The following NSD2 variants were observed in gnomAD, a reference collection of about 807,000 sequenced individuals.
NSD2 encodes the protein histone-lysine N-methyltransferase NSD2.
NSD2 carries 12 observed loss-of-function variants against 139.0 expected under a neutral mutation model. The observed-to-expected ratio is 0.09, with a 90% CI of 0.06 to 0.14. The LOEUF (loss-of-function observed/expected upper bound fraction) is 0.14. NSD2 is among the 10% of genes least tolerant of loss of function. The probability of loss-of-function intolerance (pLI) is 1.00; values close to 1 mark genes in which losing one functional copy is unlikely to be tolerated. For missense variants in NSD2, 1,155 were observed against 1,745.0 expected (o/e 0.66, Z 6.02); for synonymous variants, 669 against 648.7 (o/e 1.03, Z -0.48).
At chr4:1,940,067 A>G in intron 9 of NSD2, 1 of 1,284,934 alleles carries the variant, frequency 7.8e-7, no homozygotes, top group Non-Finnish European at 9.9e-7. Flanking sequence ...TGTCTGAAGA[A>G]TGTTGTGTTC....
intron 5 of NSD2, among the ~76,000 whole-genome samples, chr4:1,922,619 T>A (rs1407283257): frequency 6.6e-6 from 1 of 152,200 alleles, no homozygotes; most frequent in Non-Finnish European, 1.5e-5. Context: ...GATAGGAAGT[T>A]ATCTTATTTA....
chr4:1,951,151 C>T lies in NSD2; in HGVS notation c.1961C>T (p.Ser654Leu). The change falls in exon 10 of 22, where the codon TCA (serine) becomes TTA (leucine). Residue 654 changes from serine (S) to leucine (L), a missense_variant. Physicochemically the swap from Ser to Leu is moderately radical, Grantham distance 145. Coordinates refer to ENST00000508803, the MANE Select transcript of NSD2 (RefSeq NM_001042424.3). ...GAAACACAAACTGAAGTATCTGTCTCATCCAAAAAGTCTGAGCGAGGAGTG... is the reference window on the plus strand; with the variant it reads ...GAAACACAAACTGAAGTATCTGTCTTATCCAAAAAGTCTGAGCGAGGAGTG... ...ADETQTEVSV[S>L]SKKSERGVTA... is the part of the protein sequence containing the mutation. The T allele has an allele frequency of 6.2e-7, 1 of 1,614,220 alleles. No individual in the cohort carries two copies. Among genetic ancestry groups the T allele is most frequent in the Non-Finnish European group, 8.5e-7 (1 of 1,180,040 alleles).
intron 9 of NSD2, chr4:1,946,163 T>A (rs1723603798): frequency 3.9e-6 from 4 of 1,024,350 alleles, no homozygotes; most frequent in Non-Finnish European, 4.7e-6. Flanking sequence ...CCAGAGAAAC[T>A]GAGGTAACTG....
chr4:1,900,809 A>G lies in NSD2; in HGVS notation c.155A>G (p.Gln52Arg). Reference protein sequence around the residue: ...RECSVFLSKAQLSSSLQEGVM... With the variant: ...RECSVFLSKARLSSSLQEGVM... ...TGTTCTGTGTTCCTCAGCAAAGCCC[A>G]GCTCTCCAGTAGCCTGCAGGAGGGG... is the stretch of plus-strand genomic sequence containing the variant. The change falls in exon 2 of 22, where the codon CAG becomes CGG. Residue 52 changes from glutamine (Q) to arginine (R), a missense_variant. By Grantham distance (43) the Gln-to-Arg change is conservative (BLOSUM62 1). Transcript: ENST00000508803. The G allele has an allele frequency of 1.9e-6, 3 of 1,614,192 alleles. 1 individual carries two copies. Among genetic ancestry groups the G allele is most frequent in the Non-Finnish European group, 2.5e-6 (3 of 1,180,038 alleles).
intron 7 of NSD2, 39 bp from the exon 8 acceptor site, chr4:1,938,412 C>CTTTA: frequency 1.6e-6 from 1 of 635,580 alleles, no homozygotes; most frequent in Non-Finnish European, 2.0e-6. Context: ...TTTTTTTTTT[C>CTTTA]TTTCTTTTTT....
Position 1,939,548 on chromosome 4 carries a change from A to G in NSD2, c.1757-106A>G, listed in dbSNP as rs181559116. ...TTAAGCCAGAAGGACAAAGGAATTCAGAAGATTCATCTTTAGAACTTCACT... is the reference window on the plus strand; with the variant it reads ...TTAAGCCAGAAGGACAAAGGAATTCGGAAGATTCATCTTTAGAACTTCACT... On this transcript the variant is annotated intron_variant, in intron 8 of 21. Coordinates refer to ENST00000508803, the MANE Select transcript of NSD2 (RefSeq NM_001042424.3). The G allele has an allele frequency of 4.0e-5, 46 of 1,158,020 alleles. 1 individual carries two copies. The Admixed American group carries it at 8.6e-4, about 22-fold the overall frequency. The allele number at this position is 1,158,020 out of a possible 1,614,324, so 71.7% of individuals were successfully genotyped here. A position where few individuals can be genotyped will look rare whatever the true frequency, so the allele number is the denominator to read the frequency against.
intron 1 of NSD2, among the ~76,000 whole-genome samples, chr4:1,893,261 A>C (rs2108710813): frequency 6.6e-6 from 1 of 152,274 alleles, no homozygotes; most frequent in South Asian, 2.1e-4. Context: ...TGAGGTCAGG[A>C]GTTCGAGACC....
At chr4:1,944,369 C>G in intron 9 of NSD2, 1 of 1,065,968 alleles carries the variant, frequency 9.4e-7, no homozygotes, top group Non-Finnish European at 1.1e-6. Context: ...ACGTGGAATT[C>G]CTTCATTTCA....
At chr4:1,887,604 G>A (rs1333408458) in intron 1 of NSD2, 1 of 152,554 alleles carries the variant, frequency 6.6e-6, no homozygotes, top group African/African-American at 2.4e-5. Flanking sequence ...GGCTACCAAA[G>A]TGCTGGGATT....
chr4:1,938,416 C>CTTTTTTTTTTTT (rs746279426), intron 7 of NSD2, 35 bp from the exon 8 acceptor site: 12 of 325,848 alleles, frequency 3.7e-5, no homozygotes, highest in South Asian at 1.1e-4. Context: ...TTTTTTCTTT[C>CTTTTTTTTTTTT]TTTTTTTTTT....
At chr4:1,909,614 A>G (rs56205946) in intron 3 of NSD2, among the ~76,000 whole-genome samples, 2 of 150,272 alleles carry the variant, frequency 1.3e-5, no homozygotes, top group Non-Finnish European at 3.0e-5. Context: ...GTACTTTTAT[A>G]TTTTTCTATC....
At position 1,913,853 on chromosome 4, in the gene NSD2, C is replaced by T. The variant is rs569077048; in HGVS notation, c.761-3018C>T. Among the ~76,000 whole-genome samples the T allele has an allele frequency of 3.3e-5, 5 of 152,270 alleles. No homozygotes were observed. In the East Asian group the frequency reaches 9.6e-4, roughly 29 times the overall value. Reference sequence around the variant, plus strand: ...TGTCTTGTGTCTTTATTTCTACCATCTCTCGTCTCCACACACGAGGAGAAA... The same window carrying T: ...TGTCTTGTGTCTTTATTTCTACCATTTCTCGTCTCCACACACGAGGAGAAA... On this transcript the variant is annotated intron_variant, in intron 3 of 21. Transcript: ENST00000508803.
intron 21 of NSD2, among the ~76,000 whole-genome samples, chr4:1,977,315 GAC>G (rs1306327461): frequency 2.6e-5 from 4 of 152,266 alleles, no homozygotes; most frequent in African/African-American, 9.6e-5. Context: ...TTGGTGATGA[GAC>G]AGTCTGAGAA....
chr4:1,944,924 C>A, intron 9 of NSD2: 1 of 1,063,438 alleles, frequency 9.4e-7, no homozygotes, highest in Non-Finnish European at 1.1e-6. Context: ...AGAAACAGCT[C>A]CAGTGTTTTT....
intron 1 of NSD2, among the ~76,000 whole-genome samples, chr4:1,896,684 T>TCCTTCCTCTCTC (rs1380435570): frequency 2.7e-5 from 4 of 146,206 alleles, no homozygotes; most frequent in African/African-American, 1.0e-4. Context: ...CTCCCTCCCT[T>TCCTTCCTCTCTC]CCTTCCCGAA....
rs1724876875 is a variant in NSD2, at chr4:1,956,984, T to TA, written c.2881+802dup. On this transcript the variant is annotated intron_variant, in intron 15 of 21. Coordinates refer to ENST00000508803, the MANE Select transcript of NSD2 (RefSeq NM_001042424.3). The surrounding 1 kb of genome is among the most constrained non-coding windows in gnomAD (Gnocchi z 5.3). ...AGAATGGGTAGGCATTGAAAGATTT[T>TA]AAAAAATTATTAAGAGGGCGAGACG... Among the ~76,000 whole-genome samples, 1 of 152,206 alleles carries TA rather than the reference T, an allele frequency of 6.6e-6. No individual in the cohort carries two copies. The highest frequency in any genetic ancestry group is 6.5e-5 in the Admixed American group (1 of 15,272).
chr4:1,890,468 G>GT (rs1160313756), intron 1 of NSD2, among the ~76,000 whole-genome samples: 1 of 148,632 alleles, frequency 6.7e-6, no homozygotes, highest in Non-Finnish European at 1.5e-5. Flanking sequence ...CCGGCTAATT[G>GT]TTTTTTGTAT....
chr4:1,872,927 ATATTT>A (rs1233970055), intron 1 of NSD2, among the ~76,000 whole-genome samples: 1 of 152,216 alleles, frequency 6.6e-6, no homozygotes, highest in Non-Finnish European at 1.5e-5. Context: ...GAGAACAACA[ATATTT>A]TAAAGAGCAG....
At position 1,955,240 on chromosome 4, in the gene NSD2, C is replaced by T. The variant is rs1302163799; in HGVS notation, c.2418C>T (p.Ile806=). The part of the protein sequence containing the change: ...DACLAAGCSV[I]ASNSIICTAH... ...GTCTGGCAGCAGGATGCTCAGTGAT[C>T]GCCTCCAACAGCATCATCTGCACTG... Residue 806 remains isoleucine, a synonymous_variant, in exon 13 of 22, where the codon ATC becomes ATT. Transcript: ENST00000508803. This position sits in a 1 kb window ranked among gnomAD's most constrained non-coding sequence, Gnocchi z 4.7. 21 of 1,613,986 alleles carry T rather than the reference C, an allele frequency of 1.3e-5. No homozygotes were observed. Among genetic ancestry groups the T allele is most frequent in the Admixed American group, 1.7e-5 (1 of 60,012 alleles).
Sources: gnomAD v4.1 joint callset for allele counts (sites outside exome capture counted in the v4.1 genomes callset) on GRCh38, gnomAD v4.1.1 for gene constraint, Gnocchi (gnomAD v3.1) non-coding constraint, MANE v1.5 for transcripts, NCBI Gene and HGNC (gene_info 2026-07-23, HGNC 2026-07-21) for gene names.